Variants in SNX29 observed in about 807,000 individuals in gnomAD.
The protein encoded by SNX29 is sorting nexin-29.
A neutral mutation model predicts 102.1 loss-of-function variants in SNX29; 78 were observed. The observed-to-expected ratio is 0.76, with a 90% CI of 0.64 to 0.92. The LOEUF is 0.92. Among genes scored for constraint, SNX29 ranks in the 40% least tolerant of loss-of-function variants. The pLI is 0.00. For missense variants in SNX29, 1,280 were observed against 1,061.7 expected, an observed-to-expected ratio of 1.21 and a Z score of -2.86; for synonymous variants, 580 against 414.5, an observed-to-expected ratio of 1.40 and a Z score of -4.85.
At chr16:12,461,487 T>C (rs184151232) in intron 18 of SNX29, among the ~76,000 whole-genome samples, 112 of 152,296 alleles carry the variant, frequency 7.4e-4, no homozygotes, top group Middle Eastern at 3.4e-3. Context: ...TGGAAACTTA[T>C]TCTGTTCTTA....
At chr16:12,526,546 C>G (rs751958352) in intron 20 of SNX29, 1 of 524,124 alleles carries the variant, frequency 1.9e-6, no homozygotes, top group African/African-American at 1.9e-5. Flanking sequence ...ATTTGTAATG[C>G]CAGGGACTGG....
At chr16:12,300,999 T>C (rs7200289) in intron 15 of SNX29, among the ~76,000 whole-genome samples, 67,347 of 151,990 alleles carry the variant, frequency 0.44, 17,006 homozygotes, top group Non-Finnish European at 0.6. Flanking sequence ...AGTGCAGAAC[T>C]CTGTTCTTCC....
chr16:12,203,190 G>GGT (rs2076957638), intron 14 of SNX29, among the ~76,000 whole-genome samples: 1 of 152,124 alleles, frequency 6.6e-6, no homozygotes, highest in African/African-American at 2.4e-5. Context: ...TGGCGTTGGA[G>GGT]GTGACAGCTC....
chr16:12,479,217 A>G (rs1167566967), intron 19 of SNX29, among the ~76,000 whole-genome samples: 4 of 152,216 alleles, frequency 2.6e-5, no homozygotes, highest in Non-Finnish European at 5.9e-5. Flanking sequence ...AAGTATGAGG[A>G]CTGCCGTTCT....
chr16:12,264,633 T>A (rs1020975365), intron 14 of SNX29, among the ~76,000 whole-genome samples: 1 of 152,042 alleles, frequency 6.6e-6, no homozygotes, highest in Non-Finnish European at 1.5e-5. Context: ...AATACAAAAA[T>A]TAGCCGGACG....
At chr16:12,406,001 C>G (rs1004680509) in intron 18 of SNX29, among the ~76,000 whole-genome samples, 1 of 151,362 alleles carries the variant, frequency 6.6e-6, no homozygotes, top group African/African-American at 2.4e-5. Context: ...CATTGCACTC[C>G]AGACTGGGTG....
intron 9 of SNX29, 137 bp from the exon 10 acceptor site, chr16:12,068,920 G>A: frequency 1.4e-6 from 1 of 706,286 alleles, no homozygotes; most frequent in Non-Finnish European, 2.4e-6. Flanking sequence ...TTAAAATCCA[G>A]CTTGCAGGAG....
At chr16:12,114,910 G>A (rs138282663) in intron 11 of SNX29, among the ~76,000 whole-genome samples, 22 of 152,262 alleles carry the variant, frequency 1.4e-4, no homozygotes, top group African/African-American at 4.3e-4. Context: ...GCTTCGTGGC[G>A]TGATTTGGAG....
intron 20 of SNX29, among the ~76,000 whole-genome samples, chr16:12,525,608 C>G (rs895197879): frequency 6.6e-6 from 1 of 151,852 alleles, no homozygotes; most frequent in Non-Finnish European, 1.5e-5. Flanking sequence ...AGGAGAATCA[C>G]TTGAACCCAG....
intron 13 of SNX29, among the ~76,000 whole-genome samples, chr16:12,170,218 C>T (rs1315788621): frequency 6.6e-6 from 1 of 152,028 alleles, no homozygotes; most frequent in South Asian, 2.1e-4. Context: ...GGGGGCAGAT[C>T]CTGTGGCGGA....
chr16:12,172,467 C>T (rs1396492836), intron 13 of SNX29, among the ~76,000 whole-genome samples: 1 of 152,166 alleles, frequency 6.6e-6, no homozygotes, highest in African/African-American at 2.4e-5. Context: ...GATCCCACCT[C>T]TACCATCTGG....
chr16:12,367,420 T>G (rs928358258), intron 16 of SNX29: 1 of 152,382 alleles, frequency 6.6e-6, no homozygotes, highest in Non-Finnish European at 1.5e-5. Flanking sequence ...GTCCTCGCTG[T>G]GAGCCGTCTG....
intron 18 of SNX29, among the ~76,000 whole-genome samples, chr16:12,443,615 TA>T (rs1408334855): frequency 6.6e-6 from 1 of 152,216 alleles, no homozygotes; most frequent in Non-Finnish European, 1.5e-5. Flanking sequence ...CATGACTGGC[TA>T]ACTTTTGTGT....
Position 12,572,923 on chromosome 16 carries a change from T to G in SNX29, c.*4294T>G, listed in dbSNP as rs1201210879. ...TCGGAATCACGGCAGACTTGGAGTG[T>G]TTCTTCAAGGCAGGCATCTGCTTAT... On this transcript the variant is annotated 3_prime_UTR_variant, in exon 21 of 21. Coordinates refer to ENST00000566228, the MANE Select transcript of SNX29 (RefSeq NM_032167.5). 1.1e-6 allele frequency: 1 copy of G among 940,240 alleles called. No individual in the cohort carries two copies. The highest frequency in any genetic ancestry group is 1.7e-5 in the African/African-American group (1 of 58,166). The allele number at this position is 940,240 out of a possible 1,614,324, so 58.2% of individuals were successfully genotyped here.
intron 16 of SNX29, among the ~76,000 whole-genome samples, chr16:12,383,400 A>G (rs565078138): frequency 5.3e-5 from 8 of 152,336 alleles, no homozygotes; most frequent in South Asian, 4.1e-4. Context: ...CACCGAATTA[A>G]CACTGTTAAT....
intron 13 of SNX29, among the ~76,000 whole-genome samples, chr16:12,196,122 C>T (rs970715370): frequency 4.0e-5 from 6 of 151,586 alleles, no homozygotes; most frequent in African/African-American, 1.5e-4. Flanking sequence ...ACAACAGGTG[C>T]ATGCCACCAC....
At chr16:12,458,679 C>T (rs975913711) in intron 18 of SNX29, among the ~76,000 whole-genome samples, 5 of 152,098 alleles carry the variant, frequency 3.3e-5, no homozygotes, top group Non-Finnish European at 7.4e-5. Flanking sequence ...AGTTAGAAGG[C>T]CAGTTAAACC....
intron 16 of SNX29, chr16:12,374,031 G>C (rs1447154148): frequency 6.6e-6 from 1 of 152,218 alleles, no homozygotes; most frequent in African/African-American, 2.4e-5. Flanking sequence ...GGCTTAACTG[G>C]GGAAGCTAAT....
intron 15 of SNX29, among the ~76,000 whole-genome samples, chr16:12,309,808 G>T (rs1331264668): frequency 6.6e-6 from 1 of 152,208 alleles, no homozygotes; most frequent in Non-Finnish European, 1.5e-5. Flanking sequence ...AAAGGGCAGT[G>T]GAGTTGAAGG....
Sources: allele counts gnomAD v4.1 joint callset (sites outside exome capture counted in the v4.1 genomes callset), GRCh38; gene constraint gnomAD v4.1.1; transcripts MANE v1.5; gene names NCBI Gene and HGNC (gene_info 2026-07-23, HGNC 2026-07-21).